Variants in AGBL4 observed in about 807,000 individuals in gnomAD.
AGBL4 encodes the protein AGBL carboxypeptidase 4.
AGBL4 carries 58 observed loss-of-function variants against 66.4 expected under a neutral mutation model. That is an observed-to-expected ratio of 0.87 (90% CI 0.71 to 1.09). The LOEUF (loss-of-function observed/expected upper bound fraction) is 1.09. Ranked by LOEUF, AGBL4 falls within the 50% of genes least tolerant of loss-of-function variation. The pLI, the probability that AGBL4 is intolerant of heterozygous loss-of-function variation, is 0.00. For synonymous variants in AGBL4, 234 were observed against 222.9 expected, an observed-to-expected ratio of 1.05 and a Z score of -0.44; for missense variants, 579 against 631.0, an observed-to-expected ratio of 0.92 and a Z score of 0.88.
chr1:49,981,961 T>C (rs550737097), intron 1 of AGBL4, among the ~76,000 whole-genome samples: 1 of 152,220 alleles, frequency 6.6e-6, no homozygotes, highest in Non-Finnish European at 1.5e-5. Flanking sequence ...ACTCATTGGA[T>C]TTCACCAGGG....
At chr1:49,774,430 C>A (rs536868764) in intron 2 of AGBL4, among the ~76,000 whole-genome samples, 1 of 152,164 alleles carries the variant, frequency 6.6e-6, no homozygotes, top group Admixed American at 6.5e-5. Context: ...AACACTTACT[C>A]TGTCCACCCT....
At chr1:49,441,862 C>T (rs1646038929) in intron 3 of AGBL4, among the ~76,000 whole-genome samples, 1 of 152,120 alleles carries the variant, frequency 6.6e-6, no homozygotes, top group African/African-American at 2.4e-5. Context: ...TATCATCACC[C>T]AATGGGCCAA....
intron 3 of AGBL4, among the ~76,000 whole-genome samples, chr1:49,528,894 G>T (rs141543844): frequency 2.6e-5 from 4 of 152,178 alleles, no homozygotes; most frequent in African/African-American, 9.6e-5. Flanking sequence ...TATAAACAGA[G>T]GGGAGTAAAT....
chr1:49,877,525 G>C (rs1195427054), intron 1 of AGBL4, among the ~76,000 whole-genome samples: 1 of 151,288 alleles, frequency 6.6e-6, no homozygotes, highest in Non-Finnish European at 1.5e-5. Flanking sequence ...GATCATGGTG[G>C]ATAAGCTTTT....
At chr1:48,846,362 G>GAAGAAGAAAGAAAGAAAGAAAGA (rs1553243605) in intron 6 of AGBL4, among the ~76,000 whole-genome samples, 1 of 118,594 alleles carries the variant, frequency 8.4e-6, no homozygotes, top group African/African-American at 3.1e-5. Context: ...GAGAAAGAAA[G>GAAGAAGAAAGAAAGAAAGAAAGA]AAGAAAGAAA....
intron 4 of AGBL4, among the ~76,000 whole-genome samples, chr1:49,173,029 G>A (rs1237260264): frequency 2.0e-5 from 3 of 152,090 alleles, no homozygotes; most frequent in African/African-American, 7.2e-5. Context: ...TGAGGCAGGA[G>A]GATCGCTTGA....
chr1:48,556,473 C>T (rs984819144), intron 11 of AGBL4, among the ~76,000 whole-genome samples: 15 of 152,204 alleles, frequency 9.9e-5, no homozygotes, highest in Non-Finnish European at 2.9e-5. Context: ...ATATCCCACG[C>T]GTTCATTCAC....
At chr1:48,548,372 C>A (rs1644197883) in intron 11 of AGBL4, among the ~76,000 whole-genome samples, 1 of 152,142 alleles carries the variant, frequency 6.6e-6, no homozygotes, top group African/African-American at 2.4e-5. Flanking sequence ...TGAAACACAG[C>A]CCTGACCAGT....
Position 49,388,910 on chromosome 1 carries a change from AGGTTCCTG to A in AGBL4, c.283-143054_283-143047del, listed in dbSNP as rs144010808. 7.7e-4 allele frequency among the ~76,000 whole-genome samples: 118 copies of A among 152,304 alleles called. 5 individuals carry two copies. The East Asian group carries it at 0.019, about 25-fold the overall frequency. ...GAGGTTCCTCTAAGATTTGAAGCCTAGGTTCCTGGGATACAAATATGAATACATCAGAG... is the reference window on the plus strand; with the variant it reads ...GAGGTTCCTCTAAGATTTGAAGCCTAGGATACAAATATGAATACATCAGAG... On this transcript the variant is annotated intron_variant, in intron 3 of 13. Transcript: ENST00000371839.
intron 2 of AGBL4, among the ~76,000 whole-genome samples, chr1:49,773,366 G>C (rs760556450): frequency 6.6e-6 from 1 of 152,102 alleles, no homozygotes; most frequent in Non-Finnish European, 1.5e-5. Flanking sequence ...GCTTTTTCAA[G>C]TTTCTTGTGA....
chr1:48,579,299 C>T (rs2148329124), intron 11 of AGBL4, among the ~76,000 whole-genome samples: 1 of 152,184 alleles, frequency 6.6e-6, no homozygotes, highest in South Asian at 2.1e-4. Context: ...ATGATCTCAG[C>T]TCACTGCAAC....
chr1:48,536,745 T>A (rs1643978036), intron 12 of AGBL4, among the ~76,000 whole-genome samples: 2 of 152,346 alleles, frequency 1.3e-5, no homozygotes, highest in South Asian at 4.1e-4. Flanking sequence ...TCATGCTCTG[T>A]TTACCTACAG....
chr1:49,602,627 G>A (rs1466555297), intron 3 of AGBL4, among the ~76,000 whole-genome samples: 2 of 151,910 alleles, frequency 1.3e-5, no homozygotes, highest in Non-Finnish European at 1.5e-5. Flanking sequence ...TCACTCATAG[G>A]TGGGAGCTGG....
chr1:49,499,351 A>T (rs1647907992), intron 3 of AGBL4, among the ~76,000 whole-genome samples: 1 of 151,950 alleles, frequency 6.6e-6, no homozygotes, highest in African/African-American at 2.4e-5. Flanking sequence ...ATAATTACAA[A>T]TAAAATCCTT....
chr1:48,883,381 A>C (rs1649976590), intron 5 of AGBL4, among the ~76,000 whole-genome samples: 1 of 152,094 alleles, frequency 6.6e-6, no homozygotes, highest in African/African-American at 2.4e-5. Context: ...TGCCTGCTAC[A>C]TCCTTCCTTG....
intron 6 of AGBL4, among the ~76,000 whole-genome samples, chr1:48,782,969 G>C (rs959626382): frequency 1.3e-5 from 2 of 152,050 alleles, no homozygotes; most frequent in African/African-American, 4.8e-5. Flanking sequence ...TCTTTTTACT[G>C]TCTCCATAGT....
chr1:48,650,944 G>A (rs1645920241), intron 8 of AGBL4, among the ~76,000 whole-genome samples: 1 of 152,294 alleles, frequency 6.6e-6, no homozygotes, highest in Admixed American at 6.5e-5. Context: ...CCCCCATAAT[G>A]CCTTGGCAAG....
At position 49,344,660 on chromosome 1, in the gene AGBL4, A is replaced by C. The variant is rs182760674; in HGVS notation, c.283-98796T>G. ...GCTCTTTAACCCCAATAAACTAAAA[A>C]ATTTTAAGTTTATGTAATCTTACCT... On this transcript the variant is annotated intron_variant, in intron 3 of 13. Coordinates refer to ENST00000371839, the MANE Select transcript of AGBL4 (RefSeq NM_032785.4). Among the ~76,000 whole-genome samples, 536 of 152,272 alleles carry C rather than the reference A, an allele frequency of 3.5e-3. 1 individual carries two copies. Among genetic ancestry groups the C allele is most frequent in the Middle Eastern group, 0.017 (5 of 294 alleles).
chr1:49,880,480 G>C (rs200562292), intron 1 of AGBL4, among the ~76,000 whole-genome samples: 1 of 152,052 alleles, frequency 6.6e-6, no homozygotes, highest in Non-Finnish European at 1.5e-5. Flanking sequence ...CTTGGGGGTC[G>C]GGGTCAGGGA....
Sources: allele counts gnomAD v4.1 joint callset (sites outside exome capture counted in the v4.1 genomes callset), GRCh38; gene constraint gnomAD v4.1.1; transcripts MANE v1.5; gene names NCBI Gene and HGNC (gene_info 2026-07-23, HGNC 2026-07-21).